The following PEX2 variants were observed in gnomAD, a reference collection of about 807,000 sequenced individuals.
PEX2 encodes the protein peroxisomal biogenesis factor 2, also known as peroxisome biogenesis factor 2.
A neutral mutation model predicts 25.2 loss-of-function variants in PEX2; 19 were observed. That is an observed-to-expected ratio of 0.75 (90% CI 0.53 to 1.10). The LOEUF (loss-of-function observed/expected upper bound fraction) is 1.10. Ranked by LOEUF, PEX2 falls within the 50% of genes least tolerant of loss-of-function variation. The pLI is 0.00. For synonymous variants in PEX2, 141 were observed against 127.7 expected (o/e 1.10, Z -0.70); for missense variants, 347 against 350.6 (o/e 0.99, Z 0.08).
intron 1 of PEX2, among the ~76,000 whole-genome samples, chr8:76,991,679 G>A (rs573459881): frequency 9.7e-4 from 147 of 152,262 alleles, no homozygotes; most frequent in African/African-American, 3.3e-3. Flanking sequence ...GTCACAGAGT[G>A]GAAAAAGCAG....
chr8:76,996,226 C>G (rs987683733), intron 1 of PEX2, among the ~76,000 whole-genome samples: 5 of 152,198 alleles, frequency 3.3e-5, no homozygotes, highest in African/African-American at 1.2e-4. Context: ...TAGCTAATTA[C>G]CAAGTACAAA....
chr8:76,989,074 G>A (rs10957831), intron 1 of PEX2, among the ~76,000 whole-genome samples: 2 of 151,176 alleles, frequency 1.3e-5, no homozygotes, highest in South Asian at 2.1e-4. Flanking sequence ...CTACTAAGGG[G>A]AGGCTGACGC....
At chr8:76,996,295 C>T (rs1807328854) in intron 1 of PEX2, among the ~76,000 whole-genome samples, 1 of 152,176 alleles carries the variant, frequency 6.6e-6, no homozygotes, top group Admixed American at 6.5e-5. Flanking sequence ...GTTATTACTT[C>T]TGTTCTAAAA....
In PEX2 at chr8:76,997,343, C is replaced by T. The variant is rs190453646; in HGVS notation, c.-160+2647G>A. On this transcript the variant is annotated intron_variant, in intron 1 of 3. Coordinates refer to ENST00000357039, the MANE Select transcript of PEX2 (RefSeq NM_000318.3). Reference sequence around the variant, plus strand: ...TAAAAGACAAGTGGGCCGAGGTGGGCAGATCGCCTAAGGTGAGGAGTTCAA... The same window carrying T: ...TAAAAGACAAGTGGGCCGAGGTGGGTAGATCGCCTAAGGTGAGGAGTTCAA... Among the ~76,000 whole-genome samples the T allele has an allele frequency of 3.3e-5, 5 of 152,274 alleles. No homozygotes were observed. The East Asian group carries it at 9.6e-4, about 29-fold the overall frequency.
At position 76,998,461 on chromosome 8, in the gene PEX2, G is replaced by C. The variant is rs139330231; in HGVS notation, c.-160+1529C>G. Among the ~76,000 whole-genome samples the C allele has an allele frequency of 1.1e-3, 175 of 152,230 alleles. 1 individual carries two copies. Among genetic ancestry groups the C allele is most frequent in the Middle Eastern group, 3.4e-3 (1 of 294 alleles). The stretch of plus-strand genomic sequence containing the variant: ...AAGAAAAACATTTCAAATTTGTATT[G>C]ATAAAATAAATTGAAACAGAATAGG... On this transcript the variant is annotated intron_variant, in intron 1 of 3. Coordinates refer to ENST00000357039, the MANE Select transcript of PEX2 (RefSeq NM_000318.3).
At chr8:76,999,534 G>T (rs1392179448) in intron 1 of PEX2, among the ~76,000 whole-genome samples, 1 of 152,050 alleles carries the variant, frequency 6.6e-6, no homozygotes, top group Non-Finnish European at 1.5e-5. Flanking sequence ...ATTTACGTGC[G>T]CTTTCAACAG....
At chr8:76,997,632 T>G (rs1212771820) in intron 1 of PEX2, among the ~76,000 whole-genome samples, 1 of 152,212 alleles carries the variant, frequency 6.6e-6, no homozygotes, top group Admixed American at 6.5e-5. Context: ...TTCTTGGTTG[T>G]TTTACTAGTA....
At chr8:76,984,337 C>T (rs1806942473) in intron 3 of PEX2, 142 bp from the exon 4 acceptor site, 7 of 616,524 alleles carry the variant, frequency 1.1e-5, no homozygotes, top group South Asian at 4.3e-5. Flanking sequence ...AATAGTACAG[C>T]GAATAATCAC....
intron 1 of PEX2, among the ~76,000 whole-genome samples, chr8:76,990,480 G>A (rs1370154653): frequency 1.3e-5 from 2 of 152,088 alleles, no homozygotes; most frequent in Admixed American, 1.3e-4. Context: ...ACTAAGCTTA[G>A]CAAAATCTAG....
intron 1 of PEX2, among the ~76,000 whole-genome samples, chr8:76,993,802 A>G (rs1807243106): frequency 6.6e-6 from 1 of 152,194 alleles, no homozygotes; most frequent in Non-Finnish European, 1.5e-5. Flanking sequence ...GACCTATACT[A>G]ACTTTAAGAT....
In PEX2 at chr8:76,983,136, AAGG is replaced by A. The variant is rs1806885197; in HGVS notation, c.*122_*124del. On this transcript the variant is annotated 3_prime_UTR_variant, in exon 4 of 4. Coordinates refer to ENST00000357039, the MANE Select transcript of PEX2 (RefSeq NM_000318.3). The stretch of plus-strand genomic sequence containing the variant: ...TGATTAGATTTCAGTCATGCCTGGA[AAGG>A]AGAAGACAGTGGCTAGGAGCACATT... 2.6e-6 allele frequency: 4 copies of A among 1,563,008 alleles called. No individual in the cohort carries two copies. The highest frequency in any genetic ancestry group is 3.4e-6 in the Non-Finnish European group (4 of 1,161,758).
Position 76,990,434 on chromosome 8 carries a change from C to T in PEX2, c.-159-2096G>A, listed in dbSNP as rs146468967. Reference sequence around the variant, plus strand: ...TGGCTGTTTGGTATAAAAGGTCTACCTTTTGGCCTGTGTTGGCTTCTGACA... The same window carrying T: ...TGGCTGTTTGGTATAAAAGGTCTACTTTTTGGCCTGTGTTGGCTTCTGACA... On this transcript the variant is annotated intron_variant, in intron 1 of 3. Transcript: ENST00000357039. Among the ~76,000 whole-genome samples the T allele has an allele frequency of 2.0e-3, 310 of 152,250 alleles. 4 individuals are homozygous for T. Among genetic ancestry groups the T allele is most frequent in the African/African-American group, 7.0e-3 (289 of 41,556 alleles).
chr8:76,993,710 C>A (rs527484617), intron 1 of PEX2, among the ~76,000 whole-genome samples: 2 of 152,120 alleles, frequency 1.3e-5, no homozygotes, highest in African/African-American at 4.8e-5. Flanking sequence ...AATTGAACCA[C>A]CATTAAATTT....
At chr8:76,994,852 G>C (rs1194307859) in intron 1 of PEX2, among the ~76,000 whole-genome samples, 2 of 152,058 alleles carry the variant, frequency 1.3e-5, no homozygotes, top group Admixed American at 6.6e-5. Flanking sequence ...CATATTATGA[G>C]GTTATATGAA....
intron 1 of PEX2, among the ~76,000 whole-genome samples, chr8:76,998,004 T>C (rs1384425384): frequency 6.6e-6 from 1 of 152,172 alleles, no homozygotes; most frequent in Admixed American, 6.5e-5. Context: ...CAAACTGTTA[T>C]CACTTCACAG....
At chr8:76,987,235 T>C (rs1807031456) in intron 2 of PEX2, among the ~76,000 whole-genome samples, 1 of 152,130 alleles carries the variant, frequency 6.6e-6, no homozygotes, top group Non-Finnish European at 1.5e-5. Flanking sequence ...TACAATAAGG[T>C]GCGATCAGTG....
At chr8:76,993,241 G>A (rs1355264933) in intron 1 of PEX2, among the ~76,000 whole-genome samples, 1 of 151,996 alleles carries the variant, frequency 6.6e-6, no homozygotes, top group African/African-American at 2.4e-5. Context: ...AGACATAATG[G>A]GATATAAATT....
upstream of PEX2, chr8:77,000,335 T>G (rs996728889): frequency 1.2e-5 from 3 of 246,610 alleles, no homozygotes; most frequent in Admixed American, 1.2e-4. Flanking sequence ...CACGAACCGG[T>G]CAGCCCCGGG....
rs893996633 is a variant in PEX2 at position 76,984,110 on chromosome 8, A to C, written c.69T>G (p.Leu23=). The C allele has an allele frequency of 1.2e-6, 2 of 1,613,636 alleles. No homozygotes were observed. The highest frequency in any genetic ancestry group is 2.7e-5 in the African/African-American group (2 of 74,894). ...GCTGCTCCAGGGCCTTGTTTAGTTCAAGTGCATCCAACTGGCTTATTCTTA... is the reference window on the plus strand; with the variant it reads ...GCTGCTCCAGGGCCTTGTTTAGTTCCAGTGCATCCAACTGGCTTATTCTTA... The part of the protein sequence containing the change: ...RVLRISQLDA[L]ELNKALEQLV... Residue 23 remains leucine, a synonymous_variant, in exon 4 of 4, where the codon CTT becomes CTG. Transcript: ENST00000357039.
Sources: gnomAD v4.1 joint callset for allele counts (sites outside exome capture counted in the v4.1 genomes callset) on GRCh38, gnomAD v4.1.1 for gene constraint, MANE v1.5 for transcripts, NCBI Gene and HGNC (gene_info 2026-07-23, HGNC 2026-07-21) for gene names.